Variants in SRGAP2B observed in about 807,000 individuals in gnomAD.
The protein encoded by SRGAP2B is SLIT-ROBO Rho GTPase-activating protein 2B.
Under a neutral mutation model 22.2 loss-of-function variants are expected in SRGAP2B, and 9 were observed. The ratio of observed to expected loss-of-function variants is 0.41; its 90% CI spans 0.24 to 0.71. SRGAP2B has a LOEUF of 0.71. Among genes scored for constraint, SRGAP2B ranks in the 30% least tolerant of loss-of-function variants. The pLI, the probability that SRGAP2B is intolerant of heterozygous loss-of-function variation, is 0.35. For synonymous variants in SRGAP2B, 36 were observed against 87.4 expected, an observed-to-expected ratio of 0.41 and a Z score of 3.28; for missense variants, 114 against 235.8, an observed-to-expected ratio of 0.48 and a Z score of 3.38.
intron 2 of SRGAP2B, among the ~76,000 whole-genome samples, chr1:145,073,356 G>GT (rs1261138142): frequency 7.0e-6 from 1 of 143,120 alleles, no homozygotes; most frequent in Admixed American, 6.9e-5. Context: ...CAAACTCAGG[G>GT]TATCTAAAAT....
chr1:144,965,454 A>T (rs1452077542), intron 3 of SRGAP2B, among the ~76,000 whole-genome samples: 2 of 144,968 alleles, frequency 1.4e-5, no homozygotes, highest in Admixed American at 1.4e-4. Flanking sequence ...GAAAACTAAC[A>T]AACAGAAAGG....
chr1:145,006,801 A>G (rs1425175764), intron 2 of SRGAP2B, among the ~76,000 whole-genome samples: 1 of 150,802 alleles, frequency 6.6e-6, no homozygotes, highest in Non-Finnish European at 1.5e-5. Flanking sequence ...TTATGTGCCA[A>G]GTAGGCTCCT....
intron 3 of SRGAP2B, among the ~76,000 whole-genome samples, chr1:144,987,174 T>C (rs1553616136): frequency 2.6e-5 from 4 of 152,108 alleles, no homozygotes; most frequent in Non-Finnish European, 5.9e-5. Flanking sequence ...TGGTCTTTCC[T>C]ACACTTGTCC....
chr1:144,915,967 C>T (rs1184061639), intron 4 of SRGAP2B, among the ~76,000 whole-genome samples: 1 of 147,292 alleles, frequency 6.8e-6, no homozygotes, highest in Non-Finnish European at 1.5e-5. Context: ...CCCATCCCTC[C>T]CACCATAGCT....
intron 2 of SRGAP2B, among the ~76,000 whole-genome samples, chr1:145,013,215 A>G (rs1672185564): frequency 6.7e-6 from 1 of 148,582 alleles, no homozygotes; most frequent in South Asian, 2.1e-4. Flanking sequence ...AAGAAGATTT[A>G]AAAGTACCCG....
At chr1:144,984,530 T>C (rs1553615612) in intron 3 of SRGAP2B, among the ~76,000 whole-genome samples, 1 of 150,556 alleles carries the variant, frequency 6.6e-6, no homozygotes, top group Non-Finnish European at 1.5e-5. Flanking sequence ...AGATTCTTCC[T>C]GCACCAGGTG....
intron 2 of SRGAP2B, among the ~76,000 whole-genome samples, chr1:145,026,921 ATTTT>A (rs1190260999): frequency 1.7e-5 from 2 of 115,986 alleles, no homozygotes; most frequent in African/African-American, 3.4e-5. Context: ...ATGTGGTAAG[ATTTT>A]TTTGTTAGGA....
chr1:144,967,513 G>A (rs1182316520), intron 3 of SRGAP2B, among the ~76,000 whole-genome samples: 2 of 148,018 alleles, frequency 1.4e-5, no homozygotes, highest in African/African-American at 5.2e-5. Flanking sequence ...GAAATTTATA[G>A]CACTAAATCC....
intron 4 of SRGAP2B, among the ~76,000 whole-genome samples, chr1:144,950,839 A>G (rs1666800109): frequency 6.6e-6 from 1 of 150,488 alleles, no homozygotes; most frequent in African/African-American, 2.5e-5. Context: ...CGTTTTTCTT[A>G]ATCTCTCTCT....
chr1:144,939,687 A>AC, intron 4 of SRGAP2B, among the ~76,000 whole-genome samples: 1 of 149,740 alleles, frequency 6.7e-6, no homozygotes, highest in South Asian at 2.1e-4. Context: ...GTAAAGCAAT[A>AC]CTTTTTTTTT....
chr1:144,911,749 C>T (rs1408169966), intron 5 of SRGAP2B, among the ~76,000 whole-genome samples: 1 of 147,258 alleles, frequency 6.8e-6, no homozygotes, highest in African/African-American at 2.6e-5. Context: ...TCCTGAGTAG[C>T]TGGGACTATA....
chr1:144,974,076 A>G (rs1458259104), intron 3 of SRGAP2B, among the ~76,000 whole-genome samples: 2 of 151,074 alleles, frequency 1.3e-5, no homozygotes, highest in Non-Finnish European at 2.9e-5. Flanking sequence ...ATAAACGTCT[A>G]GAAAAACAAC....
intron 3 of SRGAP2B, among the ~76,000 whole-genome samples, chr1:144,966,459 C>T (rs1349499236): frequency 1.4e-5 from 2 of 147,246 alleles, no homozygotes; most frequent in East Asian, 1.9e-4. Context: ...TTTGTCACCA[C>T]CAGGCCTGCC....
At chr1:144,994,567 T>TGTGTGTGA (rs72366347) in intron 3 of SRGAP2B, among the ~76,000 whole-genome samples, 4 of 122,490 alleles carry the variant, frequency 3.3e-5, no homozygotes, top group South Asian at 2.8e-4. Flanking sequence ...TGTGTGTGTG[T>TGTGTGTGA]GAGAGAGAGA....
intron 2 of SRGAP2B, among the ~76,000 whole-genome samples, chr1:145,016,943 G>A (rs1672469155): frequency 6.8e-6 from 1 of 146,102 alleles, no homozygotes; most frequent in South Asian, 2.2e-4. Context: ...CCGCCTCCCG[G>A]GTTCAAGTTT....
At chr1:145,039,529 A>G (rs1571068402) in intron 2 of SRGAP2B, among the ~76,000 whole-genome samples, 1 of 141,658 alleles carries the variant, frequency 7.1e-6, no homozygotes, top group African/African-American at 2.6e-5. Flanking sequence ...CAGAATTAAA[A>G]GGCCACAAAT....
intron 2 of SRGAP2B, among the ~76,000 whole-genome samples, chr1:145,028,498 GCAT>G (rs1238420266): frequency 7.3e-6 from 1 of 136,888 alleles, no homozygotes. Flanking sequence ...ATAAGACCTG[GCAT>G]CATTCATTTC....
At chr1:144,991,097 A>C (rs1297241200) in intron 3 of SRGAP2B, among the ~76,000 whole-genome samples, 2 of 151,074 alleles carry the variant, frequency 1.3e-5, no homozygotes, top group Admixed American at 6.6e-5. Flanking sequence ...CCACTAGATG[A>C]AGCCAACTGG....
At chr1:145,079,979 C>A (rs1302273080) in intron 2 of SRGAP2B, among the ~76,000 whole-genome samples, 156 of 147,182 alleles carry the variant, frequency 1.1e-3, no homozygotes, top group African/African-American at 3.2e-3. Flanking sequence ...TCAGAGATTA[C>A]GAGCCTCCCA....
Sources: allele counts gnomAD v4.1 joint callset (sites outside exome capture counted in the v4.1 genomes callset), GRCh38; gene constraint gnomAD v4.1.1; transcripts MANE v1.5; gene names NCBI Gene and HGNC (gene_info 2026-07-23, HGNC 2026-07-21).